MNAT1: variants seen among roughly 807,000 people sequenced by gnomAD.
The protein encoded by MNAT1 is CDK-activating kinase assembly factor MAT1.
A neutral mutation model predicts 42.0 loss-of-function variants in MNAT1; 43 were observed. The observed-to-expected ratio is 1.02, with a 90% CI of 0.80 to 1.32. The LOEUF is 1.32. Among genes scored for constraint, MNAT1 ranks in the 40% most tolerant of loss-of-function variants. The pLI is 0.00. For missense variants in MNAT1, 306 were observed against 350.4 expected (o/e 0.87, Z 1.01); for synonymous variants, 118 against 120.0 (o/e 0.98, Z 0.11).
intron 7 of MNAT1, among the ~76,000 whole-genome samples, chr14:60,918,532 C>T (rs1474376523): frequency 6.6e-6 from 1 of 151,612 alleles, no homozygotes; most frequent in Non-Finnish European, 1.5e-5. Context: ...ACATGATTTT[C>T]TCCCTTCCAA....
chr14:60,744,702 A>G (rs1017522183), intron 1 of MNAT1, among the ~76,000 whole-genome samples: 3 of 152,146 alleles, frequency 2.0e-5, no homozygotes, highest in African/African-American at 7.2e-5. Context: ...AGTGTAACTC[A>G]ACCTCACATT....
chr14:60,777,736 C>G (rs1016117234), intron 1 of MNAT1, among the ~76,000 whole-genome samples: 2 of 151,958 alleles, frequency 1.3e-5, no homozygotes, highest in African/African-American at 4.8e-5. Context: ...TCTTTGTTTA[C>G]CATAGAGTCT....
chr14:60,864,454 G>A (rs1466527272), intron 6 of MNAT1, among the ~76,000 whole-genome samples: 1 of 151,910 alleles, frequency 6.6e-6, no homozygotes, highest in African/African-American at 2.4e-5. Flanking sequence ...TAGCAGGATA[G>A]GGTTTAAAAT....
intron 6 of MNAT1, among the ~76,000 whole-genome samples, chr14:60,852,944 T>C (rs964264262): frequency 6.6e-6 from 1 of 152,228 alleles, no homozygotes; most frequent in African/African-American, 2.4e-5. Context: ...TTTTGGTTAC[T>C]GTAGCCTTGT....
At chr14:60,943,187 C>A (rs78447178) in intron 7 of MNAT1, among the ~76,000 whole-genome samples, 5,101 of 151,228 alleles carry the variant, frequency 0.034, 385 homozygotes, top group South Asian at 0.23. Context: ...ATTGTGGTTC[C>A]TCTGATGCAT....
At chr14:60,884,253 T>A (rs2034613196) in intron 7 of MNAT1, among the ~76,000 whole-genome samples, 1 of 152,098 alleles carries the variant, frequency 6.6e-6, no homozygotes, top group African/African-American at 2.4e-5. Flanking sequence ...TACCCAGGTT[T>A]TTGAGGGTTT....
intron 1 of MNAT1, among the ~76,000 whole-genome samples, chr14:60,755,718 T>C (rs1047372796): frequency 6.6e-6 from 1 of 152,236 alleles, no homozygotes; most frequent in South Asian, 2.1e-4. Flanking sequence ...TAGTAATAAA[T>C]CAGTATTCCT....
At position 60,829,350 on chromosome 14, in the gene MNAT1, TA is replaced by T. The variant is rs2033152501; in HGVS notation, c.687+10504del. The stretch of plus-strand genomic sequence containing the variant: ...CCAAATGCCTAGTAACTCTTTCTTA[TA>T]TATTCCTATATTTCTAGGTAACAAT... On this transcript the variant is annotated intron_variant, in intron 6 of 7. Transcript: ENST00000261245. 2.6e-5 allele frequency among the ~76,000 whole-genome samples: 4 copies of T among 152,354 alleles called. No homozygotes were observed. The South Asian group carries it at 8.3e-4, about 32-fold the overall frequency.
chr14:60,738,661 G>A (rs192872788), intron 1 of MNAT1, among the ~76,000 whole-genome samples: 3 of 152,072 alleles, frequency 2.0e-5, no homozygotes, highest in South Asian at 2.1e-4. Flanking sequence ...TCAGCCTTCC[G>A]AGTAGCTGGG....
intron 1 of MNAT1, among the ~76,000 whole-genome samples, chr14:60,749,071 C>A (rs2029957999): frequency 6.6e-6 from 1 of 152,134 alleles, no homozygotes. Flanking sequence ...GAACAGACAT[C>A]ATTGTATATG....
intron 1 of MNAT1, among the ~76,000 whole-genome samples, chr14:60,774,042 AG>A (rs2031161289): frequency 6.6e-6 from 1 of 152,234 alleles, no homozygotes. Flanking sequence ...AGAAAATAAC[AG>A]GGTCATCAAT....
intron 1 of MNAT1, among the ~76,000 whole-genome samples, chr14:60,795,896 G>T (rs1051622504): frequency 6.6e-6 from 1 of 152,186 alleles, no homozygotes; most frequent in Non-Finnish European, 1.5e-5. Flanking sequence ...ACTGGGGATG[G>T]AGGTGACCAT....
chr14:60,783,740 C>T (rs1485034441), intron 1 of MNAT1, among the ~76,000 whole-genome samples: 1 of 152,204 alleles, frequency 6.6e-6, no homozygotes, highest in East Asian at 1.9e-4. Flanking sequence ...TCGTGATCTG[C>T]CTTCCTTGGC....
chr14:60,853,098 C>T lies in MNAT1; in HGVS notation c.688-26616C>T, dbSNP rs544032135. Among the ~76,000 whole-genome samples, 10 of 152,054 alleles carry T rather than the reference C, an allele frequency of 6.6e-5. No individual in the cohort carries two copies. The South Asian group carries it at 8.3e-4, about 13-fold the overall frequency. ...TCTGGGAAGAAAGTCACTGGTAGCT[C>T]GATGGGAATAGCATTGACTCTATGA... On this transcript the variant is annotated intron_variant, in intron 6 of 7. Coordinates refer to ENST00000261245, the MANE Select transcript of MNAT1 (RefSeq NM_002431.4).
rs1190805701 is a variant in MNAT1 at position 60,751,656 on chromosome 14, CAAAT to C, written c.89+16707_89+16710del. On this transcript the variant is annotated intron_variant, in intron 1 of 7. Transcript: ENST00000261245. ...AATATAGATTATTTACATGTACAAA[CAAAT>C]ATATATATTCTCTACAAAAAGATAA... 4.6e-5 allele frequency among the ~76,000 whole-genome samples: 7 copies of C among 151,008 alleles called. No homozygotes were observed. In the East Asian group the frequency reaches 7.7e-4, roughly 17 times the overall value.
chr14:60,814,106 A>G (rs1207509436), intron 5 of MNAT1, among the ~76,000 whole-genome samples: 9 of 152,042 alleles, frequency 5.9e-5, no homozygotes, highest in African/African-American at 1.9e-4. Context: ...GATTAATACT[A>G]TTTTTCTAAT....
rs187951357 is a variant in MNAT1 at position 60,770,571 on chromosome 14, T to C, written c.90-25646T>C. ...CAAGAGTTCTTAATTTATATATTTGTTATTTTCATATATTCTGTTCCTTTC... is the reference window on the plus strand; with the variant it reads ...CAAGAGTTCTTAATTTATATATTTGCTATTTTCATATATTCTGTTCCTTTC... On this transcript the variant is annotated intron_variant, in intron 1 of 7. Coordinates refer to ENST00000261245, the MANE Select transcript of MNAT1 (RefSeq NM_002431.4). Among the ~76,000 whole-genome samples the C allele has an allele frequency of 1.7e-3, 255 of 152,346 alleles. 1 individual carries two copies. Among genetic ancestry groups the C allele is most frequent in the African/African-American group, 5.4e-3 (225 of 41,592 alleles).
At chr14:60,869,057 T>TTA (rs2034271628) in intron 6 of MNAT1, among the ~76,000 whole-genome samples, 1 of 143,624 alleles carries the variant, frequency 7.0e-6, no homozygotes, top group Non-Finnish European at 1.5e-5. Context: ...TTTTTTTTTT[T>TTA]GAGACGGAGT....
chr14:60,873,233 T>G (rs2139453225), intron 6 of MNAT1, among the ~76,000 whole-genome samples: 1 of 152,272 alleles, frequency 6.6e-6, no homozygotes, highest in East Asian at 1.9e-4. Context: ...TTGTTGTTGT[T>G]TCTCGTGACA....
Sources: allele counts gnomAD v4.1 joint callset (sites outside exome capture counted in the v4.1 genomes callset), GRCh38; gene constraint gnomAD v4.1.1; transcripts MANE v1.5; gene names NCBI Gene and HGNC (gene_info 2026-07-23, HGNC 2026-07-21).